The following CCDC172 variants were observed in gnomAD, a reference collection of about 807,000 sequenced individuals.
CCDC172 encodes the protein coiled-coil domain-containing protein 172.
In CCDC172, 30 loss-of-function variants were observed where a neutral mutation model predicts 38.0. The ratio of observed to expected loss-of-function variants is 0.79; its 90% confidence interval spans 0.59 to 1.07. The LOEUF is 1.07. Among genes scored for constraint, CCDC172 ranks in the 50% least tolerant of loss-of-function variants. CCDC172 has a pLI of 0.00. For synonymous variants in CCDC172, 78 were observed against 88.3 expected, an observed-to-expected ratio of 0.88 and a Z score of 0.66; for missense variants, 297 against 290.1, an observed-to-expected ratio of 1.02 and a Z score of -0.17.
chr10:116,362,314 A>G (rs753000811), intron 7 of CCDC172, among the ~76,000 whole-genome samples: 2 of 152,210 alleles, frequency 1.3e-5, no homozygotes, highest in Non-Finnish European at 2.9e-5. Flanking sequence ...CAGTTTGCTT[A>G]ATTATTTATC....
rs1217356064 is a variant in CCDC172, at chr10:116,379,973, C to T, written c.*615C>T. The T allele has an allele frequency of 6.6e-6, 1 of 152,210 alleles. No individual in the cohort carries two copies. Among genetic ancestry groups the T allele is most frequent in the Non-Finnish European group, 1.5e-5 (1 of 68,104 alleles). The allele number at this position is 152,210 out of a possible 1,614,324, so 9.4% of individuals were successfully genotyped here. A position where few individuals can be genotyped will look rare whatever the true frequency, so the allele number is the denominator to read the frequency against. ...CTCCCTAGAAGCAGAAGTCACTATG[C>T]TTCCTGTACAGCCTGCAGAACCGTG... On this transcript the variant is annotated 3_prime_UTR_variant, in exon 9 of 9. Coordinates refer to ENST00000333254, the MANE Select transcript of CCDC172 (RefSeq NM_198515.3).
chr10:116,344,440 T>C (rs984429006), intron 5 of CCDC172, among the ~76,000 whole-genome samples: 2 of 152,174 alleles, frequency 1.3e-5, no homozygotes, highest in Admixed American at 1.3e-4. Flanking sequence ...TAAACATATA[T>C]AAATCTAGAA....
Position 116,357,824 on chromosome 10 carries a change from T to C in CCDC172, c.551-12T>C, listed in dbSNP as rs1258304417. 1 of 1,281,798 alleles carries C rather than the reference T, an allele frequency of 7.8e-7. No individual in the cohort carries two copies. The highest frequency in any genetic ancestry group is 2.2e-5 in the Admixed American group (1 of 44,530). The allele number at this position is 1,281,798 out of a possible 1,614,324, so 79.4% of individuals were successfully genotyped here. The stretch of plus-strand genomic sequence containing the variant: ...TTTTCAAAAGATTGCAACTATTTTT[T>C]GATTTGTTTAGTTTTTGAAGATGAA... On this transcript the variant is annotated splice_polypyrimidine_tract_variant and intron_variant, in intron 6 of 8. Coordinates refer to ENST00000333254, the MANE Select transcript of CCDC172 (RefSeq NM_198515.3).
chr10:116,373,559 C>T (rs1235421139), intron 7 of CCDC172, among the ~76,000 whole-genome samples: 1 of 152,196 alleles, frequency 6.6e-6, no homozygotes, highest in Non-Finnish European at 1.5e-5. Context: ...GACTGGAGTG[C>T]AGTGGCACAA....
In CCDC172 at chr10:116,378,527, T is replaced by A. The variant is rs779912783; in HGVS notation, c.741+17T>A. On this transcript the variant is annotated intron_variant, in intron 8 of 8. Transcript: ENST00000333254. ...TTGGAGTTGGTAAGTTATCATTGATTGTTTAACTTTTGTTCAGCATTATTT... is the reference window on the plus strand; with the variant it reads ...TTGGAGTTGGTAAGTTATCATTGATAGTTTAACTTTTGTTCAGCATTATTT... The A allele has an allele frequency of 1.3e-6, 2 of 1,580,100 alleles. No homozygotes were observed. The highest frequency in any genetic ancestry group is 4.5e-5 in the East Asian group (2 of 43,966).
intron 3 of CCDC172, among the ~76,000 whole-genome samples, chr10:116,337,979 A>G (rs929925642): frequency 6.6e-6 from 1 of 152,222 alleles, no homozygotes; most frequent in African/African-American, 2.4e-5. Flanking sequence ...GAAACATTCT[A>G]CGAATAGGAG....
chr10:116,367,873 G>A (rs1845142877), intron 7 of CCDC172, among the ~76,000 whole-genome samples: 1 of 151,428 alleles, frequency 6.6e-6, no homozygotes, highest in Non-Finnish European at 1.5e-5. Flanking sequence ...GGAACCAATT[G>A]AGGATTACAA....
chr10:116,374,152 C>T (rs1020368350), intron 7 of CCDC172, among the ~76,000 whole-genome samples: 5 of 152,050 alleles, frequency 3.3e-5, no homozygotes, highest in Non-Finnish European at 7.4e-5. Flanking sequence ...GTTATCATAT[C>T]GACTGTTATG....
chr10:116,377,629 TCTCA>T (rs1435149724), intron 7 of CCDC172, among the ~76,000 whole-genome samples: 1 of 152,200 alleles, frequency 6.6e-6, no homozygotes, highest in Non-Finnish European at 1.5e-5. Flanking sequence ...GATGTTGCTT[TCTCA>T]CTCCCAAATT....
At chr10:116,344,334 G>C (rs980349611) in intron 5 of CCDC172, among the ~76,000 whole-genome samples, 14 of 152,164 alleles carry the variant, frequency 9.2e-5, no homozygotes, top group African/African-American at 2.9e-4. Flanking sequence ...GGGCTATATG[G>C]TATAGCCTAT....
In CCDC172 at chr10:116,363,351, G is replaced by T. The variant is rs1845086491; in HGVS notation, c.653+5413G>T. ...TACCTATCTGCTCTTGGCCTGGACT[G>T]AAGGAAAGCAGAATTAGAAAACTGA... On this transcript the variant is annotated intron_variant, in intron 7 of 8. Transcript: ENST00000333254. 4.6e-5 allele frequency among the ~76,000 whole-genome samples: 7 copies of T among 152,202 alleles called. 1 individual carries two copies. In the South Asian group the frequency reaches 1.5e-3, roughly 32 times the overall value.
At chr10:116,348,339 T>C (rs1015185927) in intron 5 of CCDC172, among the ~76,000 whole-genome samples, 1 of 152,166 alleles carries the variant, frequency 6.6e-6, no homozygotes, top group African/African-American at 2.4e-5. Context: ...ACATCTGTTA[T>C]TTTCTGGCAT....
At chr10:116,331,800 C>T (rs1844666372) in intron 3 of CCDC172, among the ~76,000 whole-genome samples, 1 of 152,136 alleles carries the variant, frequency 6.6e-6, no homozygotes, top group South Asian at 2.1e-4. Flanking sequence ...GAAGCAGTTT[C>T]ACCCCTGCTG....
chr10:116,361,680 C>T (rs948830586), intron 7 of CCDC172, among the ~76,000 whole-genome samples: 3 of 152,098 alleles, frequency 2.0e-5, no homozygotes, highest in Non-Finnish European at 4.4e-5. Flanking sequence ...ACACCTGCTA[C>T]GAGAGACTCT....
chr10:116,333,710 T>G (rs1356851548), intron 3 of CCDC172, among the ~76,000 whole-genome samples: 1 of 152,190 alleles, frequency 6.6e-6, no homozygotes, highest in African/African-American at 2.4e-5. Flanking sequence ...TTGCTGGTCT[T>G]TCCCTAATCA....
At chr10:116,336,357 G>A (rs2134913486) in intron 3 of CCDC172, among the ~76,000 whole-genome samples, 1 of 138,520 alleles carries the variant, frequency 7.2e-6, no homozygotes, top group East Asian at 2.1e-4. Flanking sequence ...GTGAGGAGGT[G>A]ACTGATAGGA....
intron 5 of CCDC172, among the ~76,000 whole-genome samples, chr10:116,353,317 C>G (rs1422154189): frequency 1.3e-5 from 2 of 152,076 alleles, no homozygotes; most frequent in African/African-American, 4.8e-5. Flanking sequence ...ACGGGTGTAA[C>G]TCTTCATGAG....
chr10:116,344,353 G>A (rs1844837562), intron 5 of CCDC172, among the ~76,000 whole-genome samples: 1 of 152,180 alleles, frequency 6.6e-6, no homozygotes, highest in Non-Finnish European at 1.5e-5. Context: ...ATTGCTCCTA[G>A]GCTGTAAGCC....
chr10:116,368,424 A>C (rs1470900311), intron 7 of CCDC172, among the ~76,000 whole-genome samples: 1 of 150,484 alleles, frequency 6.6e-6, no homozygotes, highest in Non-Finnish European at 1.5e-5. Context: ...TCCTTCCCCC[A>C]CCCTTTTTAT....
Sources: gnomAD v4.1 joint callset for allele counts (sites outside exome capture counted in the v4.1 genomes callset) on GRCh38, gnomAD v4.1.1 for gene constraint, MANE v1.5 for transcripts, NCBI Gene and HGNC (gene_info 2026-07-23, HGNC 2026-07-21) for gene names.